The following PCDH11X variants were observed in gnomAD, a reference collection of about 807,000 sequenced individuals.
The protein encoded by PCDH11X is protocadherin 11 X-linked.
In PCDH11X, 18 loss-of-function variants were observed where a neutral mutation model predicts 53.3. The ratio of observed to expected loss-of-function variants is 0.34; its 90% confidence interval spans 0.23 to 0.50. PCDH11X has a LOEUF of 0.50. Ranked by LOEUF, PCDH11X falls within the 20% of genes least tolerant of loss-of-function variation. The pLI, the probability that PCDH11X is intolerant of heterozygous loss-of-function variation, is 0.98. For synonymous variants in PCDH11X, 279 were observed against 393.3 expected (o/e 0.71, Z 3.44); for missense variants, 570 against 1,032.4 (o/e 0.55, Z 6.14).
At chrX:92,263,012 C>CAAA in intron 7 of PCDH11X, 102 bp from the exon 8 acceptor site, 1 of 876,433 alleles carries the variant, frequency 1.1e-6, no homozygotes. Flanking sequence ...GCTTTTTTTT[C>CAAA]AAAAAAAAAA....
intron 9 of PCDH11X, among the ~76,000 whole-genome samples, chrX:92,420,107 A>G (rs12861923): frequency 0.14 from 15,122 of 110,796 alleles, 972 homozygotes; most frequent in African/African-American, 0.23. Context: ...GATAATATAC[A>G]TACCTAACCT....
intron 6 of PCDH11X, among the ~76,000 whole-genome samples, chrX:92,119,621 CTT>C (rs955700396): frequency 1.8e-5 from 2 of 111,295 alleles, no homozygotes; most frequent in Admixed American, 1.9e-4. Flanking sequence ...TCAAAACAAA[CTT>C]ATTAGTAATA....
intron 6 of PCDH11X, among the ~76,000 whole-genome samples, chrX:91,916,532 A>G (rs1198144631): frequency 9.0e-6 from 1 of 111,454 alleles, no homozygotes; most frequent in Non-Finnish European, 1.9e-5. Flanking sequence ...ATTCAAGGTT[A>G]CTATGAACGC....
chrX:92,117,339 G>A (rs1307908909), intron 6 of PCDH11X, among the ~76,000 whole-genome samples: 1 of 109,371 alleles, frequency 9.1e-6, no homozygotes, highest in Non-Finnish European at 1.9e-5. Context: ...GGGAGGCTGA[G>A]GCAGGAGACT....
chrX:91,783,470 CA>C (rs1648711427), intron 1 of PCDH11X, among the ~76,000 whole-genome samples: 1 of 111,491 alleles, frequency 9.0e-6, no homozygotes, highest in African/African-American at 3.3e-5. Context: ...TCTTGGTATT[CA>C]AAACTTTATT....
intron 10 of PCDH11X, among the ~76,000 whole-genome samples, chrX:92,514,706 G>A (rs987409249): frequency 9.2e-6 from 1 of 108,859 alleles, no homozygotes; most frequent in African/African-American, 3.4e-5. Flanking sequence ...ACTCCAGCCT[G>A]GGTGACAGAG....
At chrX:92,370,651 G>A (rs1213029843) in intron 8 of PCDH11X, among the ~76,000 whole-genome samples, 2 of 109,866 alleles carry the variant, frequency 1.8e-5, no homozygotes, top group African/African-American at 6.6e-5. Context: ...GTAGAGACGG[G>A]GTTTCACTAT....
intron 9 of PCDH11X, among the ~76,000 whole-genome samples, chrX:92,393,233 C>T (rs75753614): frequency 9.0e-6 from 1 of 110,819 alleles, no homozygotes; most frequent in Non-Finnish European, 1.9e-5. Flanking sequence ...AATTACGTAG[C>T]AAGGCCAATT....
chrX:92,212,006 C>T (rs866267019), intron 7 of PCDH11X, among the ~76,000 whole-genome samples: 7 of 64,587 alleles, frequency 1.1e-4, no homozygotes, highest in Non-Finnish European at 1.3e-4. Flanking sequence ...ACTTGCAATG[C>T]TTTTTTTTTT....
At chrX:92,523,992 T>A (rs1442544915) in intron 10 of PCDH11X, among the ~76,000 whole-genome samples, 1 of 110,456 alleles carries the variant, frequency 9.1e-6, no homozygotes, top group Non-Finnish European at 1.9e-5. Context: ...AGATCAGAAT[T>A]TTTTTCTGTA....
chrX:92,173,984 CAAAAAAA>C (rs145379428), intron 6 of PCDH11X, among the ~76,000 whole-genome samples: 5 of 29,559 alleles, frequency 1.7e-4, no homozygotes, highest in Non-Finnish European at 1.7e-4. Flanking sequence ...GACCCAGTCT[CAAAAAAA>C]AAAAAAAAAA....
chrX:92,324,642 ACT>A (rs1201266055), intron 8 of PCDH11X, among the ~76,000 whole-genome samples: 1 of 98,284 alleles, frequency 1.0e-5, no homozygotes, highest in Non-Finnish European at 2.0e-5. Flanking sequence ...TATCACCATC[ACT>A]TTGAGTGCCA....
intron 9 of PCDH11X, among the ~76,000 whole-genome samples, chrX:92,408,851 G>A (rs756922266): frequency 1.9e-5 from 2 of 107,506 alleles, no homozygotes; most frequent in Admixed American, 2.0e-4. Context: ...CAAAGTGCTG[G>A]GATTACAGGC....
chrX:92,228,920 A>G (rs1171709891), intron 7 of PCDH11X, among the ~76,000 whole-genome samples: 1 of 111,795 alleles, frequency 8.9e-6, no homozygotes, highest in East Asian at 2.8e-4. Flanking sequence ...AATTAATCAT[A>G]TTTTCAAGTG....
rs2148322768 is a variant in PCDH11X at position 92,201,397 on chromosome X, C to A, written c.3056C>A (p.Ser1019Tyr). 8.3e-7 allele frequency: 1 copy of A among 1,203,943 alleles called. No individual in the cohort carries two copies. The highest frequency in any genetic ancestry group is 1.8e-5 in the South Asian group (1 of 55,933). ...AAGCCAATGAAGGAGGTTGTGCGATCTTGCACCCCCATGAAAGAGTCTACA... is the reference window on the plus strand; with the variant it reads ...AAGCCAATGAAGGAGGTTGTGCGATATTGCACCCCCATGAAAGAGTCTACA... ...TRPPMKEVVR[S>Y]CTPMKESTTM... The change falls in exon 7 of 11, where the codon TCT (serine) becomes TAT (tyrosine). Residue 1019 changes from serine to tyrosine, a missense_variant. By Grantham distance (144) the Ser-to-Tyr change is moderately radical. Transcript: ENST00000682573.
intron 7 of PCDH11X, among the ~76,000 whole-genome samples, chrX:92,226,365 C>A (rs1230652491): frequency 9.0e-6 from 1 of 111,400 alleles, no homozygotes; most frequent in African/African-American, 3.3e-5. Flanking sequence ...GTAGAGAAAT[C>A]TAGCAAGGCC....
chrX:92,156,467 C>G (rs1245066902), intron 6 of PCDH11X, among the ~76,000 whole-genome samples: 1 of 111,976 alleles, frequency 8.9e-6, no homozygotes, highest in Non-Finnish European at 1.9e-5. Flanking sequence ...CCACACACAT[C>G]AAATGCACTC....
intron 6 of PCDH11X, among the ~76,000 whole-genome samples, chrX:92,047,272 T>G (rs1602749968): frequency 9.6e-6 from 1 of 104,470 alleles, no homozygotes; most frequent in African/African-American, 3.6e-5. Flanking sequence ...ATATTTCACA[T>G]TTCTCCATTT....
intron 6 of PCDH11X, among the ~76,000 whole-genome samples, chrX:91,894,790 T>C (rs965098944): frequency 9.0e-6 from 1 of 110,853 alleles, no homozygotes; most frequent in African/African-American, 3.3e-5. Flanking sequence ...ACTCAGAAAA[T>C]AGACTTGCAA....
Sources: gnomAD v4.1 joint callset for allele counts (sites outside exome capture counted in the v4.1 genomes callset) on GRCh38, gnomAD v4.1.1 for gene constraint, MANE v1.5 for transcripts, NCBI Gene and HGNC (gene_info 2026-07-23, HGNC 2026-07-21) for gene names.